UNC80: variants seen among roughly 807,000 people sequenced by gnomAD.
UNC80 encodes the protein unc-80 subunit of NALCN channel complex, also known as protein unc-80 homolog.
Under a neutral mutation model 384.6 loss-of-function variants are expected in UNC80, and 164 were observed. The observed-to-expected ratio is 0.43, with a 90% CI of 0.38 to 0.49. UNC80 has a LOEUF of 0.49. UNC80 is among the 20% of genes least tolerant of loss of function. UNC80 has a pLI of 0.00. For missense variants in UNC80, 3,330 were observed against 4,143.0 expected, an observed-to-expected ratio of 0.80 and a Z score of 5.39; for synonymous variants, 1,486 against 1,527.8, an observed-to-expected ratio of 0.97 and a Z score of 0.64.
At position 209,978,720 on chromosome 2, in the gene UNC80, C is replaced by T. The variant is rs2093076093; in HGVS notation, c.9118+12C>T. 1 of 1,519,102 alleles carries T rather than the reference C, an allele frequency of 6.6e-7. No individual in the cohort carries two copies. The highest frequency in any genetic ancestry group is 8.9e-7 in the Non-Finnish European group (1 of 1,122,796). The allele number at this position is 1,519,102 out of a possible 1,614,324, so 94.1% of individuals were successfully genotyped here. A position where few individuals can be genotyped will look rare whatever the true frequency, so the allele number is the denominator to read the frequency against. On this transcript the variant is annotated intron_variant, in intron 59 of 64. Coordinates refer to ENST00000673920, the MANE Select transcript of UNC80 (RefSeq NM_001371986.1). ...GGAAGATGAGGAAAGTAGGTCATTC[C>T]AGAGAATCTGGGCAGTAGACATGGC...
In UNC80 at chr2:209,997,064, A is replaced by T. The variant is rs2093494762; in HGVS notation, c.*1469A>T. 1 of 152,202 alleles carries T rather than the reference A, an allele frequency of 6.6e-6. No homozygotes were observed. Among genetic ancestry groups the T allele is most frequent in the Non-Finnish European group, 1.5e-5 (1 of 68,028 alleles). The allele number at this position is 152,202 out of a possible 1,614,324, so 9.4% of individuals were successfully genotyped here. On this transcript the variant is annotated 3_prime_UTR_variant, in exon 65 of 65. Coordinates refer to ENST00000673920, the MANE Select transcript of UNC80 (RefSeq NM_001371986.1). ...CCTACTAAACCCACCTTAATCATAA[A>T]GGAAAATTATTTTTTGTTAGAATTG...
chr2:209,835,016 T>C lies in UNC80; in HGVS notation c.3041+6T>C. On this transcript the variant is annotated splice_donor_region_variant and intron_variant, in intron 18 of 64. Transcript: ENST00000673920. ...CCCTCACAGACTCCAGAGCAGTAAG[T>C]AGCGTTGGTTTTGTCTCCAGTGCAG... 1 of 1,548,622 alleles carries C rather than the reference T, an allele frequency of 6.5e-7. No homozygotes were observed. The highest frequency in any genetic ancestry group is 8.7e-7 in the Non-Finnish European group (1 of 1,144,996).
chr2:209,828,055 A>AAG, intron 14 of UNC80, among the ~76,000 whole-genome samples: 1 of 152,200 alleles, frequency 6.6e-6, no homozygotes, highest in Middle Eastern at 3.2e-3. Context: ...CATACAGATG[A>AAG]TACAAACATT....
At chr2:209,861,519 G>C (rs1225022183) in intron 22 of UNC80, among the ~76,000 whole-genome samples, 1 of 152,154 alleles carries the variant, frequency 6.6e-6, no homozygotes, top group Non-Finnish European at 1.5e-5. Flanking sequence ...TCTCTTCCAG[G>C]TTTTGGTATC....
rs193036528 is a variant in UNC80 at position 209,818,018 on chromosome 2, C to A, written c.1693+66C>A. 278 of 1,507,358 alleles carry A rather than the reference C, an allele frequency of 1.8e-4. No individual in the cohort carries two copies. The African/African-American group carries it at 2.2e-3, about 12-fold the overall frequency. 93.4% of individuals were successfully genotyped at this position (1,507,358 alleles called of 1,614,324 possible). A position where few individuals can be genotyped will look rare whatever the true frequency, so the allele number is the denominator to read the frequency against. On this transcript the variant is annotated intron_variant, in intron 11 of 64. Coordinates refer to ENST00000673920, the MANE Select transcript of UNC80 (RefSeq NM_001371986.1). The stretch of plus-strand genomic sequence containing the variant: ...CTTTTTTTGTTTTCTGTCCTTACAC[C>A]ATGTTACTTTCCCATTGTAATCCGC...
chr2:209,901,785 C>T (rs1382598789), intron 28 of UNC80, among the ~76,000 whole-genome samples: 25 of 151,952 alleles, frequency 1.6e-4, no homozygotes, highest in East Asian at 3.9e-4. Flanking sequence ...TAAAATTAGC[C>T]GGGCGTGGTG....
At chr2:209,953,804 A>C (rs1313221611) in intron 47 of UNC80, among the ~76,000 whole-genome samples, 1 of 152,176 alleles carries the variant, frequency 6.6e-6, no homozygotes, top group African/African-American at 2.4e-5. Flanking sequence ...ATATAGCTCC[A>C]CCTATTATCA....
At chr2:209,909,447 T>C (rs762769395) in intron 29 of UNC80, among the ~76,000 whole-genome samples, 6 of 152,208 alleles carry the variant, frequency 3.9e-5, no homozygotes, top group Non-Finnish European at 8.8e-5. Flanking sequence ...TCATCTCTGC[T>C]TCTTTCCGCA....
intron 28 of UNC80, among the ~76,000 whole-genome samples, chr2:209,899,517 A>C (rs571194805): frequency 1.4e-4 from 21 of 152,300 alleles, no homozygotes; most frequent in Middle Eastern, 6.8e-3. Flanking sequence ...CCGGGGCTCT[A>C]GTTGATGTTT....
chr2:209,818,956 T>C lies in UNC80; in HGVS notation c.1694-37T>C, dbSNP rs991324152. On this transcript the variant is annotated intron_variant, in intron 11 of 64. Coordinates refer to ENST00000673920, the MANE Select transcript of UNC80 (RefSeq NM_001371986.1). Reference sequence around the variant, plus strand: ...CTGTCTAACTGGTATTGTAGGTTAATGTAGGGAGAACTAAGACATTGCTTT... The same window carrying C: ...CTGTCTAACTGGTATTGTAGGTTAACGTAGGGAGAACTAAGACATTGCTTT... 2.6e-6 allele frequency: 4 copies of C among 1,540,154 alleles called. No individual in the cohort carries two copies. The African/African-American group carries it at 4.1e-5, about 16-fold the overall frequency.
intron 35 of UNC80, among the ~76,000 whole-genome samples, chr2:209,925,604 G>A (rs547055756): frequency 5.9e-5 from 9 of 152,174 alleles, no homozygotes; most frequent in South Asian, 2.1e-4. Context: ...TTTACAGAGC[G>A]CTGATTGGTC....
chr2:209,838,062 C>T (rs986719745), intron 18 of UNC80, among the ~76,000 whole-genome samples: 6 of 152,030 alleles, frequency 3.9e-5, no homozygotes, highest in South Asian at 2.1e-4. Flanking sequence ...TGAGCCACTG[C>T]GCCCGGCCTT....
In UNC80 at chr2:209,772,176, A is replaced by AGAGGGCGCACCGCGGGCCGCC. The variant is rs2076609891; in HGVS notation, c.92+13_92+33dup. ...TGGCGGCAAACCAGGTGAGGGGCGCAGAGGGCGCACCGCGGGCCGCCCTGG... is the reference window on the plus strand; with the variant it reads ...TGGCGGCAAACCAGGTGAGGGGCGCAGAGGGCGCACCGCGGGCCGCCGAGGGCGCACCGCGGGCCGCCCTGG... On this transcript the variant is annotated intron_variant, in intron 1 of 64. Coordinates refer to ENST00000673920, the MANE Select transcript of UNC80 (RefSeq NM_001371986.1). 6.5e-7 allele frequency: 1 copy of AGAGGGCGCACCGCGGGCCGCC among 1,533,214 alleles called. No individual in the cohort carries two copies. The highest frequency in any genetic ancestry group is 2.6e-5 in the East Asian group (1 of 39,160). The allele number at this position is 1,533,214 out of a possible 1,614,324, so 95.0% of individuals were successfully genotyped here.
intron 16 of UNC80, among the ~76,000 whole-genome samples, chr2:209,832,365 G>A (rs1041268043): frequency 3.3e-5 from 5 of 151,944 alleles, no homozygotes; most frequent in Admixed American, 6.6e-5. Context: ...TTTTGGATAC[G>A]AAAATGTAGA....
At chr2:209,958,889 C>T in intron 49 of UNC80, among the ~76,000 whole-genome samples, 1 of 152,156 alleles carries the variant, frequency 6.6e-6, no homozygotes, top group East Asian at 1.9e-4. Context: ...GTCGTCTTTA[C>T]CCAAATCACG....
intron 29 of UNC80, among the ~76,000 whole-genome samples, chr2:209,907,641 G>A (rs1051109126): frequency 1.3e-5 from 2 of 152,184 alleles, no homozygotes; most frequent in African/African-American, 2.4e-5. Flanking sequence ...CAGGCGGCTC[G>A]AGACCAGACC....
intron 35 of UNC80, among the ~76,000 whole-genome samples, chr2:209,924,026 A>G (rs1205526110): frequency 6.6e-6 from 1 of 152,032 alleles, no homozygotes; most frequent in Non-Finnish European, 1.5e-5. Flanking sequence ...AATATGTTTT[A>G]TATAACATAA....
In UNC80 at chr2:209,976,090, G is replaced by A; in HGVS notation, c.8588-29G>A. The A allele has an allele frequency of 1.3e-6, 2 of 1,537,234 alleles. No individual in the cohort carries two copies. The highest frequency in any genetic ancestry group is 1.8e-6 in the Non-Finnish European group (2 of 1,140,710). ...GTTCCTCGGAAGCACACGTCCGCAGGCTCATTTTTCTCTTTTCCCGGTGTG... is the reference window on the plus strand; with the variant it reads ...GTTCCTCGGAAGCACACGTCCGCAGACTCATTTTTCTCTTTTCCCGGTGTG... On this transcript the variant is annotated intron_variant, in intron 56 of 64. Transcript: ENST00000673920. This position sits in a 1 kb window ranked among gnomAD's most constrained non-coding sequence, Gnocchi z 4.3.
chr2:209,973,436 G>A (rs970127697), intron 56 of UNC80, among the ~76,000 whole-genome samples, 166 bp downstream of exon 56: 8 of 152,166 alleles, frequency 5.3e-5, no homozygotes, highest in Non-Finnish European at 1.0e-4. Context: ...TGTATTTAAA[G>A]AGACCTCAAT....
Sources: gnomAD v4.1 joint callset for allele counts (sites outside exome capture counted in the v4.1 genomes callset) on GRCh38, gnomAD v4.1.1 for gene constraint, Gnocchi (gnomAD v3.1) non-coding constraint, MANE v1.5 for transcripts, NCBI Gene and HGNC (gene_info 2026-07-23, HGNC 2026-07-21) for gene names.